The following ZNF571 variants were observed in gnomAD, a reference collection of about 807,000 sequenced individuals.
The protein encoded by ZNF571 is zinc finger protein 571.
Under a neutral mutation model 7.7 loss-of-function variants are expected in ZNF571, and 4 were observed. The ratio of observed to expected loss-of-function variants is 0.52; its 90% CI spans 0.25 to 1.18. The LOEUF is 1.18. Among genes scored for constraint, ZNF571 ranks in the 50% most tolerant of loss-of-function variants. ZNF571 has a pLI of 0.14. For synonymous variants in ZNF571, 251 were observed against 232.4 expected (o/e 1.08, Z -0.73); for missense variants, 704 against 726.9 (o/e 0.97, Z 0.36).
intron 3 of ZNF571, among the ~76,000 whole-genome samples, chr19:37,566,714 C>T (rs2042873595): frequency 6.6e-6 from 1 of 152,138 alleles, no homozygotes; most frequent in Admixed American, 6.6e-5. Flanking sequence ...ATTGTCATAA[C>T]CTCTTAGCTG....
chr19:37,590,750 TATATC>T (rs1435201484), intron 1 of ZNF571, among the ~76,000 whole-genome samples: 1 of 152,150 alleles, frequency 6.6e-6, no homozygotes, highest in Non-Finnish European at 1.5e-5. Context: ...AGTGTAATAT[TATATC>T]AAAATAAAAA....
chr19:37,589,864 CAAAAAAA>C (rs60136941), intron 1 of ZNF571, among the ~76,000 whole-genome samples: 17 of 29,590 alleles, frequency 5.7e-4, no homozygotes, highest in Admixed American at 5.4e-3. Context: ...GACTCCATCT[CAAAAAAA>C]AAAAAAAAAA....
At position 37,592,771 on chromosome 19, in the gene ZNF571, T is replaced by C. The variant is rs776531483; in HGVS notation, c.-70+1970A>G. 2.4e-4 allele frequency among the ~76,000 whole-genome samples: 37 copies of C among 152,176 alleles called. 1 individual carries two copies. The highest frequency in any genetic ancestry group is 4.0e-4 in the Non-Finnish European group (27 of 68,040). ...ATCTAACTGCCTGTTTACAGAAATA[T>C]GAAGGAACGGAAAACAAATTATAAG... On this transcript the variant is annotated intron_variant, in intron 1 of 3. Coordinates refer to ENST00000451802, the MANE Select transcript of ZNF571 (RefSeq NM_016536.5).
At chr19:37,571,148 G>A (rs1962903093) in intron 3 of ZNF571, among the ~76,000 whole-genome samples, 1 of 152,100 alleles carries the variant, frequency 6.6e-6, no homozygotes, top group South Asian at 2.1e-4. Context: ...AAGTTTTATA[G>A]GAGCCCTAAT....
intron 3 of ZNF571, among the ~76,000 whole-genome samples, chr19:37,581,742 C>T (rs2043472482): frequency 6.6e-6 from 1 of 151,724 alleles, no homozygotes; most frequent in Non-Finnish European, 1.5e-5. Context: ...GGATTACAGG[C>T]TTGAGCCATT....
intron 3 of ZNF571, 35 bp from the exon 4 acceptor site, chr19:37,566,326 G>A (rs964552020): frequency 8.4e-6 from 13 of 1,553,732 alleles, no homozygotes; most frequent in Non-Finnish European, 1.1e-5. Context: ...TCCTGCTTTT[G>A]TTTACAAGGA....
At chr19:37,572,428 G>C (rs943534606) in intron 3 of ZNF571, among the ~76,000 whole-genome samples, 2 of 152,170 alleles carry the variant, frequency 1.3e-5, no homozygotes, top group African/African-American at 4.8e-5. Flanking sequence ...CTCAAGACAT[G>C]AATCATCCCT....
intron 1 of ZNF571, among the ~76,000 whole-genome samples, chr19:37,588,275 A>G (rs2043751550): frequency 6.6e-6 from 1 of 152,150 alleles, no homozygotes; most frequent in Non-Finnish European, 1.5e-5. Flanking sequence ...TTTAAATTCA[A>G]CAAGCAAGAA....
intron 1 of ZNF571, among the ~76,000 whole-genome samples, chr19:37,593,417 G>C (rs1258899583): frequency 2.0e-5 from 3 of 152,022 alleles, no homozygotes; most frequent in African/African-American, 7.2e-5. Context: ...CAAAACCTTA[G>C]ACCAGGCCAG....
chr19:37,588,854 T>C (rs973513446), intron 1 of ZNF571, among the ~76,000 whole-genome samples: 1 of 152,150 alleles, frequency 6.6e-6, no homozygotes, highest in Non-Finnish European at 1.5e-5. Flanking sequence ...GGAACCCCAT[T>C]TTATAACACA....
intron 1 of ZNF571, among the ~76,000 whole-genome samples, chr19:37,590,178 G>A (rs1326283200): frequency 6.6e-6 from 1 of 151,990 alleles, no homozygotes; most frequent in East Asian, 1.9e-4. Context: ...AGGCCAAGGC[G>A]GGTGGATCAC....
chr19:37,583,859 TACTTCTACTCAA>T, intron 3 of ZNF571, 100 bp downstream of exon 3: 1 of 1,111,534 alleles, frequency 9.0e-7, no homozygotes, highest in Non-Finnish European at 1.3e-6. Context: ...TGTCCATTTC[TACTTCTACTCAA>T]ACGTAAGCCT....
intron 3 of ZNF571, among the ~76,000 whole-genome samples, chr19:37,581,432 C>T (rs2043457475): frequency 6.6e-6 from 1 of 151,924 alleles, no homozygotes; most frequent in Non-Finnish European, 1.5e-5. Context: ...TATACCACCC[C>T]TCCAGCATTT....
rs757910227 is a variant in ZNF571, at chr19:37,565,296, G to C, written c.1132C>G (p.Leu378Val). 11 of 1,611,190 alleles carry C rather than the reference G, an allele frequency of 6.8e-6. No homozygotes were observed. Among genetic ancestry groups the C allele is most frequent in the Non-Finnish European group, 9.3e-6 (11 of 1,178,712 alleles). Residue 378 changes from leucine to valine, a missense_variant, in exon 4 of 4, where the codon CTT becomes GTT. By Grantham distance (32) the Leu-to-Val change is conservative (BLOSUM62 1). Coordinates refer to ENST00000451802, the MANE Select transcript of ZNF571 (RefSeq NM_016536.5). ...GAATGAACTCTCAGGTGGTAAGTAA[G>C]TTGTGAGCCACGAAAAAAGGTCTTC... ...CGKTFFRGSQ[L>V]TYHLRVHSGE...
At chr19:37,593,845 G>A (rs1600549671) in intron 1 of ZNF571, among the ~76,000 whole-genome samples, 1 of 152,140 alleles carries the variant, frequency 6.6e-6, no homozygotes, top group Non-Finnish European at 1.5e-5. Flanking sequence ...GGGTGCCTAA[G>A]GACCAGTCAC....
At chr19:37,572,284 G>T (rs1049113113) in intron 3 of ZNF571, among the ~76,000 whole-genome samples, 1 of 152,130 alleles carries the variant, frequency 6.6e-6, no homozygotes, top group Non-Finnish European at 1.5e-5. Flanking sequence ...ACTTTGTGTG[G>T]TTTCAGTTAC....
At chr19:37,588,170 G>A (rs1372721879) in intron 1 of ZNF571, among the ~76,000 whole-genome samples, 1 of 141,698 alleles carries the variant, frequency 7.1e-6, no homozygotes, top group Non-Finnish European at 1.5e-5. Flanking sequence ...ATATAAAGAT[G>A]TTAACCTCTG....
At chr19:37,583,276 C>A (rs905633393) in intron 3 of ZNF571, among the ~76,000 whole-genome samples, 1 of 152,178 alleles carries the variant, frequency 6.6e-6, no homozygotes, top group African/African-American at 2.4e-5. Flanking sequence ...AGATACTTAT[C>A]CAAGTTTAAC....
chr19:37,577,887 C>T (rs1216392967), intron 3 of ZNF571, among the ~76,000 whole-genome samples: 2 of 152,274 alleles, frequency 1.3e-5, no homozygotes, highest in African/African-American at 2.4e-5. Flanking sequence ...ATCCCCAACC[C>T]GGAGCCACAG....
Sources: gnomAD v4.1 joint callset for allele counts (sites outside exome capture counted in the v4.1 genomes callset) on GRCh38, gnomAD v4.1.1 for gene constraint, MANE v1.5 for transcripts, NCBI Gene and HGNC (gene_info 2026-07-23, HGNC 2026-07-21) for gene names.